Variants in MTRR observed in about 807,000 individuals in gnomAD.
MTRR encodes the protein 5-methyltetrahydrofolate-homocysteine methyltransferase reductase, also known as methionine synthase reductase.
MTRR carries 63 observed loss-of-function variants against 79.2 expected under a neutral mutation model. The ratio of observed to expected loss-of-function variants is 0.80; its 90% CI spans 0.65 to 0.98. The LOEUF is 0.98. Ranked by LOEUF, MTRR falls within the 50% of genes least tolerant of loss-of-function variation. The pLI is 0.00. For synonymous variants in MTRR, 355 were observed against 313.3 expected (o/e 1.13, Z -1.41); for missense variants, 895 against 839.6 (o/e 1.07, Z -0.82).
chr5:7,887,777 TGTGTG>T (rs1463125799), intron 8 of MTRR, among the ~76,000 whole-genome samples: 1 of 84,438 alleles, frequency 1.2e-5, no homozygotes, highest in African/African-American at 4.3e-5. Context: ...TGTATATATT[TGTGTG>T]TGTGTGTGTG....
intron 6 of MTRR, among the ~76,000 whole-genome samples, chr5:7,884,449 C>G (rs990450239): frequency 4.6e-5 from 7 of 152,330 alleles, no homozygotes; most frequent in Middle Eastern, 3.4e-3. Flanking sequence ...CTTACAGTAT[C>G]TAACACCACG....
intron 2 of MTRR, among the ~76,000 whole-genome samples, chr5:7,862,505 C>T (rs535516463): frequency 8.5e-5 from 13 of 152,272 alleles, no homozygotes; most frequent in African/African-American, 2.9e-4. Flanking sequence ...GCATTTCCTA[C>T]GTTCCAGGTA....
intron 2 of MTRR, among the ~76,000 whole-genome samples, chr5:7,871,249 C>G (rs1335725498): frequency 6.6e-6 from 1 of 152,198 alleles, no homozygotes; most frequent in Admixed American, 6.5e-5. Flanking sequence ...GGTGTGCTTT[C>G]CACCTCTTGA....
chr5:7,855,567 G>C (rs996547915), intron 1 of MTRR, among the ~76,000 whole-genome samples: 1 of 152,006 alleles, frequency 6.6e-6, no homozygotes, highest in Non-Finnish European at 1.5e-5. Context: ...GAGAGCAGTG[G>C]CGTGATCATA....
chr5:7,854,598 A>C (rs1439891339), intron 1 of MTRR, among the ~76,000 whole-genome samples: 1 of 152,098 alleles, frequency 6.6e-6, no homozygotes, highest in Non-Finnish European at 1.5e-5. Context: ...AAAAGCGGAA[A>C]CCCCTGATAA....
chr5:7,887,194 A>G (rs1236313830), intron 8 of MTRR, among the ~76,000 whole-genome samples: 5 of 152,202 alleles, frequency 3.3e-5, no homozygotes, highest in Admixed American at 2.6e-4. Context: ...TTGCTGTAAC[A>G]GAAAGCTTCA....
At chr5:7,868,191 G>C, upstream of MTRR, 3 of 268,216 alleles carry the variant, frequency 1.1e-5, no homozygotes, top group Non-Finnish European at 1.8e-5. Context: ...AACTACAAAC[G>C]AGTATCTGGA....
At chr5:7,852,916 T>TAA (rs931008847) in intron 1 of MTRR, among the ~76,000 whole-genome samples, 1 of 152,192 alleles carries the variant, frequency 6.6e-6, no homozygotes, top group African/African-American at 2.4e-5. Flanking sequence ...GGAATTCAGC[T>TAA]AAAACTGAGA....
intron 3 of MTRR, 147 bp from the exon 4 acceptor site, chr5:7,875,111 T>G: frequency 1.4e-6 from 1 of 691,834 alleles, no homozygotes; most frequent in Non-Finnish European, 2.6e-6. Flanking sequence ...ATAGAATTAC[T>G]CAAGGAAAAT....
chr5:7,880,213 CT>C (rs1456125465), intron 5 of MTRR, among the ~76,000 whole-genome samples: 1 of 152,232 alleles, frequency 6.6e-6, no homozygotes, highest in African/African-American at 2.4e-5. Flanking sequence ...CACGATGCCC[CT>C]GATAGAGTAG....
intron 14 of MTRR, among the ~76,000 whole-genome samples, chr5:7,898,173 C>T (rs1738853555): frequency 6.6e-6 from 1 of 152,046 alleles, no homozygotes. Context: ...CAATAAAGGG[C>T]AGAAATTCTA....
intron 8 of MTRR, among the ~76,000 whole-genome samples, chr5:7,888,417 G>A (rs1372002381): frequency 3.3e-5 from 5 of 152,180 alleles, no homozygotes; most frequent in Non-Finnish European, 7.3e-5. Flanking sequence ...ACTGTTATTG[G>A]TAGATGTTTT....
At chr5:7,851,008 T>C (rs202179107), upstream of MTRR, 3,781 of 1,266,096 alleles carry the variant, frequency 3.0e-3, 12 homozygotes, top group African/African-American at 5.3e-3. Flanking sequence ...GGTCTCCTCC[T>C]CGTCGTCCTC....
chr5:7,885,708 A>G lies in MTRR; in HGVS notation c.911A>G (p.Asp304Gly), dbSNP rs756111796. 1.2e-6 allele frequency: 2 copies of G among 1,612,946 alleles called. No homozygotes were observed. The highest frequency in any genetic ancestry group is 2.7e-5 in the African/African-American group (2 of 74,638). ...ATTTTGGCTCTTCTCTAGAATACAG[A>G]CTTTTCCTATCAGCCTGGAGATGCC... Reference protein sequence around the residue: ...LLVELDISNTDFSYQPGDAFS... With the variant: ...LLVELDISNTGFSYQPGDAFS... Residue 304 changes from aspartate (D) to glycine (G), a missense_variant, in exon 7 of 15, where the codon GAC (aspartate) becomes GGC (glycine). Coordinates refer to ENST00000440940, the MANE Select transcript of MTRR (RefSeq NM_002454.3).
Position 7,900,381 on chromosome 5 carries a change from C to A in MTRR, c.*323C>A. On this transcript the variant is annotated 3_prime_UTR_variant, in exon 15 of 15. Coordinates refer to ENST00000440940, the MANE Select transcript of MTRR (RefSeq NM_002454.3). ...GAACTTCACAGAGACTCTGTCCTTCCATGCAAAGGCTTCCTGAAATAGGGA... is the reference window on the plus strand; with the variant it reads ...GAACTTCACAGAGACTCTGTCCTTCAATGCAAAGGCTTCCTGAAATAGGGA... 3.4e-6 allele frequency: 1 copy of A among 292,606 alleles called. No homozygotes were observed. The allele number at this position is 292,606 out of a possible 1,614,324, so 18.1% of individuals were successfully genotyped here.
upstream of MTRR, chr5:7,867,425 A>G: frequency 1.2e-6 from 2 of 1,614,214 alleles, no homozygotes; most frequent in Non-Finnish European, 1.7e-6. Flanking sequence ...TTCCCCAAGA[A>G]TACAAAGATT....
At chr5:7,872,140 C>G (rs1236386593) in intron 2 of MTRR, 2 of 386,422 alleles carry the variant, frequency 5.2e-6, no homozygotes, top group Admixed American at 3.3e-5. Context: ...TATACAAACT[C>G]TGTATGTAGA....
chr5:7,861,169 G>GTT (rs1746506880), intron 1 of MTRR: 1 of 1,607,214 alleles, frequency 6.2e-7, no homozygotes, highest in South Asian at 1.1e-5. Context: ...TGATAACCGA[G>GTT]TAACTGTAGG....
At chr5:7,892,626 C>G in intron 10 of MTRR, 101 bp from the exon 11 acceptor site, 1 of 1,268,734 alleles carries the variant, frequency 7.9e-7, no homozygotes, top group Non-Finnish European at 1.1e-6. Flanking sequence ...TAGATTAGAG[C>G]CTATAAGGAA....
Sources: allele counts gnomAD v4.1 joint callset (sites outside exome capture counted in the v4.1 genomes callset), GRCh38; gene constraint gnomAD v4.1.1; transcripts MANE v1.5; gene names NCBI Gene and HGNC (gene_info 2026-07-23, HGNC 2026-07-21).